Variants in AKR1C8 observed in about 807,000 individuals in gnomAD.
AKR1C8 encodes the protein aldo-keto reductase family 1 member C-like protein 1.
chr10:5,132,951 C>T, the AKR1C8 span, among the ~76,000 whole-genome samples: 1 of 152,118 alleles, frequency 6.6e-6, no homozygotes, highest in Non-Finnish European at 1.5e-5. Context: ...TGTTGGGTAT[C>T]CCTGGACCTC....
chr10:5,176,787 A>G, the AKR1C8 span, among the ~76,000 whole-genome samples: 4 of 152,148 alleles, frequency 2.6e-5, no homozygotes, highest in African/African-American at 7.2e-5. Context: ...TTTGTCTGTT[A>G]TTGGTGTATA....
At chr10:5,178,115 T>G in the AKR1C8 span, among the ~76,000 whole-genome samples, 11 of 152,142 alleles carry the variant, frequency 7.2e-5, no homozygotes, top group African/African-American at 2.7e-4. Context: ...TTGTGGGCAT[T>G]TAGTGCTATA....
the AKR1C8 span, among the ~76,000 whole-genome samples, chr10:5,141,268 C>A: frequency 6.6e-6 from 1 of 152,098 alleles, no homozygotes; most frequent in Non-Finnish European, 1.5e-5. Flanking sequence ...TACAGCAATT[C>A]AGTCACATAT....
chr10:5,174,413 T>G, the AKR1C8 span, among the ~76,000 whole-genome samples: 1 of 152,166 alleles, frequency 6.6e-6, no homozygotes, highest in South Asian at 2.1e-4. Flanking sequence ...TAAAAAGTAT[T>G]GGTAAAATAC....
chr10:5,120,667 T>C, the AKR1C8 span, among the ~76,000 whole-genome samples: 3 of 152,158 alleles, frequency 2.0e-5, no homozygotes, highest in Non-Finnish European at 2.9e-5. Flanking sequence ...CCTTTCAGTA[T>C]GTAAAAGTCA....
chr10:5,173,594 T>C, the AKR1C8 span, among the ~76,000 whole-genome samples: 1 of 151,470 alleles, frequency 6.6e-6, no homozygotes, highest in Non-Finnish European at 1.5e-5. Context: ...CAAAAAAGAC[T>C]TCAAGAAAAA....
At chr10:5,167,726 A>C in the AKR1C8 span, among the ~76,000 whole-genome samples, 1 of 152,166 alleles carries the variant, frequency 6.6e-6, no homozygotes, top group Non-Finnish European at 1.5e-5. Context: ...ACATGTATAC[A>C]TATGTAAGTA....
At chr10:5,157,605 C>T in the AKR1C8 span, 1 of 461,940 alleles carries the variant, frequency 2.2e-6, no homozygotes, top group Non-Finnish European at 4.5e-6. Flanking sequence ...ACCCATGGCT[C>T]ACTCTGGAGC....
the AKR1C8 span, among the ~76,000 whole-genome samples, chr10:5,145,984 G>T: frequency 6.6e-6 from 1 of 151,946 alleles, no homozygotes; most frequent in African/African-American, 2.4e-5. Context: ...TTAAGAAAAT[G>T]TGGCACATAT....
At chr10:5,182,385 T>C in the AKR1C8 span, among the ~76,000 whole-genome samples, 2 of 152,188 alleles carry the variant, frequency 1.3e-5, no homozygotes, top group African/African-American at 4.8e-5. Context: ...ACCTTGTCTA[T>C]GCAGTTCCCA....
At chr10:5,157,185 A>C in the AKR1C8 span, among the ~76,000 whole-genome samples, 1 of 132,128 alleles carries the variant, frequency 7.6e-6, no homozygotes, top group Non-Finnish European at 1.7e-5. Flanking sequence ...AATAAACAAA[A>C]AACTCACTAA....
chr10:5,138,665 C>G, the AKR1C8 span, among the ~76,000 whole-genome samples: 1 of 152,120 alleles, frequency 6.6e-6, no homozygotes, highest in Admixed American at 6.6e-5. Context: ...TATTTGGGAA[C>G]TGATAAATGT....
At chr10:5,172,069 G>A in the AKR1C8 span, among the ~76,000 whole-genome samples, 6 of 152,094 alleles carry the variant, frequency 3.9e-5, no homozygotes, top group South Asian at 2.1e-4. Flanking sequence ...AGACAGAAGC[G>A]CAGATAAGGT....
At chr10:5,116,350 T>C in the AKR1C8 span, among the ~76,000 whole-genome samples, 1 of 151,930 alleles carries the variant, frequency 6.6e-6, no homozygotes, top group African/African-American at 2.4e-5. Flanking sequence ...AGAACTAAGA[T>C]CTCTAGGCCA....
chr10:5,122,170 G>A, the AKR1C8 span: 2 of 389,790 alleles, frequency 5.1e-6, no homozygotes, highest in Non-Finnish European at 1.1e-5. Flanking sequence ...TCAAAAACCT[G>A]AAAGGCAGGC....
At chr10:5,178,520 A>G in the AKR1C8 span, among the ~76,000 whole-genome samples, 5 of 151,638 alleles carry the variant, frequency 3.3e-5, no homozygotes, top group African/African-American at 1.2e-4. Flanking sequence ...GCTGAGTTCA[A>G]TTCCTGGGTA....
At chr10:5,124,921 T>C in the AKR1C8 span, among the ~76,000 whole-genome samples, 1 of 152,020 alleles carries the variant, frequency 6.6e-6, no homozygotes, top group East Asian at 1.9e-4. Context: ...TCTCCAAAAA[T>C]GTTTAACCTC....
At chr10:5,171,122 T>C in the AKR1C8 span, among the ~76,000 whole-genome samples, 1 of 152,140 alleles carries the variant, frequency 6.6e-6, no homozygotes, top group Non-Finnish European at 1.5e-5. Flanking sequence ...TTTTAGCTCT[T>C]TAAAAGTCCT....
chr10:5,139,588 G>A, the AKR1C8 span, among the ~76,000 whole-genome samples: 2 of 152,234 alleles, frequency 1.3e-5, no homozygotes, highest in East Asian at 3.9e-4. Context: ...TGGGAAAACT[G>A]GCTAGCCATA....
Sources: allele counts gnomAD v4.1 joint callset (sites outside exome capture counted in the v4.1 genomes callset), GRCh38; gene constraint gnomAD v4.1.1; transcripts MANE v1.5; gene names NCBI Gene and HGNC (gene_info 2026-07-23, HGNC 2026-07-21).